Variants in UNC5C observed in about 807,000 individuals in gnomAD.
The protein encoded by UNC5C is netrin receptor UNC5C.
UNC5C carries 47 observed loss-of-function variants against 99.8 expected under a neutral mutation model. The ratio of observed to expected loss-of-function variants is 0.47; its 90% CI spans 0.37 to 0.60. UNC5C has a LOEUF of 0.60. Ranked by LOEUF, UNC5C falls within the 20% of genes least tolerant of loss-of-function variation. UNC5C has a pLI of 0.00. For synonymous variants in UNC5C, 487 were observed against 452.2 expected (o/e 1.08, Z -0.98); for missense variants, 1,062 against 1,165.9 (o/e 0.91, Z 1.30).
intron 1 of UNC5C, among the ~76,000 whole-genome samples, chr4:95,359,189 T>A (rs894266613): frequency 6.6e-6 from 1 of 152,196 alleles, no homozygotes; most frequent in African/African-American, 2.4e-5. Flanking sequence ...TTGAATGATA[T>A]AAGAAATTAA....
chr4:95,427,636 G>A (rs1291608163), intron 1 of UNC5C, among the ~76,000 whole-genome samples: 1 of 152,136 alleles, frequency 6.6e-6, no homozygotes, highest in Non-Finnish European at 1.5e-5. Flanking sequence ...ATTAAGGTAT[G>A]TACATTGTTT....
At chr4:95,445,310 G>C (rs1747067305) in intron 1 of UNC5C, among the ~76,000 whole-genome samples, 1 of 142,578 alleles carries the variant, frequency 7.0e-6, no homozygotes, top group Admixed American at 7.1e-5. Flanking sequence ...TTTTTTCCTA[G>C]ATGAATTAAT....
intron 4 of UNC5C, among the ~76,000 whole-genome samples, chr4:95,272,492 C>G (rs1740697779): frequency 6.6e-6 from 1 of 152,150 alleles, no homozygotes; most frequent in Non-Finnish European, 1.5e-5. Context: ...GTGGTGATCT[C>G]TGTGTGTAAC....
chr4:95,371,898 C>A (rs1355940120), intron 1 of UNC5C, among the ~76,000 whole-genome samples: 2 of 152,052 alleles, frequency 1.3e-5, no homozygotes, highest in Admixed American at 1.3e-4. Flanking sequence ...TTATAAAAAC[C>A]ATGTTCTGCA....
At chr4:95,417,046 G>A (rs966584420) in intron 1 of UNC5C, among the ~76,000 whole-genome samples, 2 of 152,170 alleles carry the variant, frequency 1.3e-5, no homozygotes, top group Non-Finnish European at 2.9e-5. Flanking sequence ...AGGGGGCCAA[G>A]GAACATGCCC....
At chr4:95,522,581 T>G (rs879152260) in intron 1 of UNC5C, among the ~76,000 whole-genome samples, 1 of 152,104 alleles carries the variant, frequency 6.6e-6, no homozygotes, top group African/African-American at 2.4e-5. Flanking sequence ...CTTAAAAAAA[T>G]CAATGGTGAA....
chr4:95,529,215 T>A (rs1378680153), intron 1 of UNC5C, among the ~76,000 whole-genome samples: 2 of 150,870 alleles, frequency 1.3e-5, no homozygotes, highest in South Asian at 4.2e-4. Context: ...CTGTACTGAT[T>A]TTTTTCCTCC....
intron 1 of UNC5C, among the ~76,000 whole-genome samples, chr4:95,506,198 T>C (rs2149485840): frequency 6.6e-6 from 1 of 152,186 alleles, no homozygotes; most frequent in African/African-American, 2.4e-5. Context: ...CTATATATCA[T>C]ATAAGAATAA....
At chr4:95,300,142 G>A (rs1183356754) in intron 3 of UNC5C, among the ~76,000 whole-genome samples, 1 of 152,106 alleles carries the variant, frequency 6.6e-6, no homozygotes, top group African/African-American at 2.4e-5. Context: ...GAAAATATAT[G>A]GATTTCAGCG....
In UNC5C at chr4:95,389,786, TA is replaced by T. The variant is rs533894391; in HGVS notation, c.125-54156del. Among the ~76,000 whole-genome samples the T allele has an allele frequency of 1.5e-4, 23 of 152,064 alleles. 1 individual carries two copies. The South Asian group carries it at 4.6e-3, about 30-fold the overall frequency. ...ATAGACACTGAATTTCAGACAGTATTAAAAAAAGGAATGCAAAATCTATCAT... is the reference window on the plus strand; with the variant it reads ...ATAGACACTGAATTTCAGACAGTATTAAAAAAGGAATGCAAAATCTATCAT... On this transcript the variant is annotated intron_variant, in intron 1 of 15. Transcript: ENST00000453304.
chr4:95,463,220 C>T (rs950031855), intron 1 of UNC5C, among the ~76,000 whole-genome samples: 10 of 152,246 alleles, frequency 6.6e-5, no homozygotes, highest in Non-Finnish European at 1.0e-4. Context: ...GACCTACACC[C>T]GCAGACGGGT....
chr4:95,393,048 A>G (rs568081872), intron 1 of UNC5C, among the ~76,000 whole-genome samples: 2 of 152,134 alleles, frequency 1.3e-5, no homozygotes, highest in African/African-American at 2.4e-5. Context: ...CCTGGAAACA[A>G]AAGAGAAAAG....
At chr4:95,429,280 T>TA (rs112203195) in intron 1 of UNC5C, among the ~76,000 whole-genome samples, 29,442 of 94,714 alleles carry the variant, frequency 0.31, 3,148 homozygotes, top group Non-Finnish European at 0.39. Flanking sequence ...TAGTGATTCT[T>TA]AAAAAAAAAA....
chr4:95,347,669 C>T (rs907090268), intron 1 of UNC5C, among the ~76,000 whole-genome samples: 6 of 151,896 alleles, frequency 4.0e-5, no homozygotes, highest in Admixed American at 1.3e-4. Context: ...AGGACAGTCT[C>T]TTAAATAAAT....
At chr4:95,311,802 G>GCTCCT (rs1450688955) in intron 2 of UNC5C, among the ~76,000 whole-genome samples, 1 of 152,150 alleles carries the variant, frequency 6.6e-6, no homozygotes, top group Admixed American at 6.5e-5. Context: ...CCAGAGCTTT[G>GCTCCT]GGAGGCCTAG....
intron 4 of UNC5C, among the ~76,000 whole-genome samples, chr4:95,269,320 G>T (rs988034724): frequency 6.6e-6 from 1 of 152,122 alleles, no homozygotes; most frequent in Admixed American, 6.5e-5. Flanking sequence ...ACAGGGTCTT[G>T]CTCTGTTACC....
intron 4 of UNC5C, among the ~76,000 whole-genome samples, chr4:95,276,591 G>A (rs1056882191): frequency 6.6e-6 from 1 of 152,060 alleles, no homozygotes; most frequent in Non-Finnish European, 1.5e-5. Flanking sequence ...ATCTGTTTTG[G>A]GTTTTAAGGT....
At chr4:95,194,188 G>T (rs533452891) in intron 12 of UNC5C, among the ~76,000 whole-genome samples, 55 of 152,264 alleles carry the variant, frequency 3.6e-4, no homozygotes, top group South Asian at 3.1e-3. Flanking sequence ...GGCAAGCAGC[G>T]TGTCACTTGT....
chr4:95,187,224 CAT>C (rs1491032559), intron 12 of UNC5C, among the ~76,000 whole-genome samples: 1 of 152,128 alleles, frequency 6.6e-6, no homozygotes, highest in East Asian at 1.9e-4. Flanking sequence ...AGAAAAGAAA[CAT>C]AATTAGAAAT....
Sources: allele counts gnomAD v4.1 joint callset (sites outside exome capture counted in the v4.1 genomes callset), GRCh38; gene constraint gnomAD v4.1.1; transcripts MANE v1.5; gene names NCBI Gene and HGNC (gene_info 2026-07-23, HGNC 2026-07-21).